Variants in UBAP1L observed in about 807,000 individuals in gnomAD.
The protein encoded by UBAP1L is ubiquitin-associated protein 1-like.
A neutral mutation model predicts 32.1 loss-of-function variants in UBAP1L; 32 were observed. The ratio of observed to expected loss-of-function variants is 1.00; its 90% CI spans 0.75 to 1.34. UBAP1L has a LOEUF of 1.34. Ranked by LOEUF, UBAP1L falls within the 40% of genes most tolerant of loss-of-function variation. UBAP1L has a pLI of 0.00. For synonymous variants in UBAP1L, 243 were observed against 250.2 expected, an observed-to-expected ratio of 0.97 and a Z score of 0.27; for missense variants, 516 against 540.5, an observed-to-expected ratio of 0.95 and a Z score of 0.45.
Position 65,102,058 on chromosome 15 carries a change from G to T in UBAP1L, c.699+48C>A, listed in dbSNP as rs1428484416. 2.3e-6 allele frequency: 2 copies of T among 887,346 alleles called. No homozygotes were observed. The highest frequency in any genetic ancestry group is 2.9e-6 in the Non-Finnish European group (2 of 681,052). The allele number at this position is 887,346 out of a possible 1,614,324, so 55.0% of individuals were successfully genotyped here. A position where few individuals can be genotyped will look rare whatever the true frequency, so the allele number is the denominator to read the frequency against. On this transcript the variant is annotated intron_variant, in intron 3 of 5. Transcript: ENST00000559089. The surrounding 1 kb of genome is among the most constrained non-coding windows in gnomAD (Gnocchi z 5.0). ...CTGGGCTGGACACCCAGATTATGGG[G>T]CCTGGGCTGCTGATTGGCGGCCTTG...
intron 2 of UBAP1L, 69 bp downstream of exon 2, chr15:65,106,027 G>C: frequency 2.6e-6 from 4 of 1,532,950 alleles, no homozygotes; most frequent in Non-Finnish European, 3.5e-6. Context: ...TAAATTCAAG[G>C]AACAAGGCCC....
rs904603890 is a variant in UBAP1L at position 65,094,239 on chromosome 15, C to T, written c.1011+236G>A. Among the ~76,000 whole-genome samples the T allele has an allele frequency of 3.3e-5, 5 of 152,162 alleles. No individual in the cohort carries two copies. The highest frequency in any genetic ancestry group is 1.2e-4 in the African/African-American group (5 of 41,424). Reference sequence around the variant, plus strand: ...AAGCAAAACCCCTGCTGCTCTCTGCCTCCTGTCCCCGTCCCACCTCTTCCT... The same window carrying T: ...AAGCAAAACCCCTGCTGCTCTCTGCTTCCTGTCCCCGTCCCACCTCTTCCT... On this transcript the variant is annotated intron_variant, in intron 5 of 5. Transcript: ENST00000559089. The surrounding 1 kb of genome is among the most constrained non-coding windows in gnomAD (Gnocchi z 4.2).
chr15:65,106,486 A>G (rs904391129), intron 1 of UBAP1L, 98 bp from the exon 2 acceptor site: 8 of 325,254 alleles, frequency 2.5e-5, no homozygotes, highest in Non-Finnish European at 4.4e-5. Flanking sequence ...CTGTTTTCCA[A>G]AACATGGTCC....
rs966234556 is a variant in UBAP1L, at chr15:65,094,554, C to T, written c.932G>A (p.Cys311Tyr). ...ATATCCCTGACGTAACAGGCGGTCA[C>T]AGGCACTGAGGTAGCTGAGAAACTG... ...LSQFLSYLSA[C>Y]DRLLRQGYEE... Residue 311 changes from cysteine (C) to tyrosine (Y), a missense_variant, in exon 5 of 6, where the codon TGT (cysteine) becomes TAT (tyrosine). Transcript: ENST00000559089. This position sits in a 1 kb window ranked among gnomAD's most constrained non-coding sequence, Gnocchi z 4.2. 1.9e-6 allele frequency: 3 copies of T among 1,551,534 alleles called. No homozygotes were observed. The highest frequency in any genetic ancestry group is 2.0e-5 in the Admixed American group (1 of 51,008).
At chr15:65,109,453 A>G (rs1316536607) in intron 1 of UBAP1L, among the ~76,000 whole-genome samples, 2 of 132,090 alleles carry the variant, frequency 1.5e-5, no homozygotes, top group African/African-American at 5.4e-5. Flanking sequence ...ACTGCACTCC[A>G]GCCTGGGTGA....
rs767623626 is a variant in UBAP1L at position 65,102,404 on chromosome 15, G to A, written c.401C>T (p.Ala134Val). 2.1e-6 allele frequency: 3 copies of A among 1,429,370 alleles called. No homozygotes were observed. The highest frequency in any genetic ancestry group is 2.7e-6 in the Non-Finnish European group (3 of 1,097,662). The allele number at this position is 1,429,370 out of a possible 1,614,324, so 88.5% of individuals were successfully genotyped here. ...CAGGCGACGGCCGGGGCCGGGGCTC[G>A]CCGGGGAGCCCGGTTGGAGGCTGCT... ...APSSLQPGSP[A>V]SPGPGRRLCS... The change falls in exon 3 of 6, where the codon GCG (alanine) becomes GTG (valine). Residue 134 changes from alanine to valine, a missense_variant. Ala to Val is a moderately conservative substitution (Grantham distance 64). Coordinates refer to ENST00000559089, the MANE Select transcript of UBAP1L (RefSeq NM_001163692.2). This position sits in a 1 kb window ranked among gnomAD's most constrained non-coding sequence, Gnocchi z 5.0.
chr15:65,108,309 C>T (rs1440790858), intron 1 of UBAP1L, among the ~76,000 whole-genome samples: 1 of 151,470 alleles, frequency 6.6e-6, no homozygotes, highest in East Asian at 1.9e-4. Flanking sequence ...ACAATATTGA[C>T]CTCTACCTCA....
At chr15:65,098,857 T>A (rs2087206903) in intron 4 of UBAP1L, 1 of 151,974 alleles carries the variant, frequency 6.6e-6, no homozygotes, top group South Asian at 2.1e-4. Flanking sequence ...AGTTTCGGGG[T>A]AGTTTGTTAC....
In UBAP1L at chr15:65,094,410, C is replaced by T; in HGVS notation, c.1011+65G>A. The T allele has an allele frequency of 8.9e-6, 11 of 1,236,228 alleles. No individual in the cohort carries two copies. Among genetic ancestry groups the T allele is most frequent in the Non-Finnish European group, 1.2e-5 (11 of 886,496 alleles). 76.6% of individuals were successfully genotyped at this position (1,236,228 alleles called of 1,614,324 possible). On this transcript the variant is annotated intron_variant, in intron 5 of 5. Coordinates refer to ENST00000559089, the MANE Select transcript of UBAP1L (RefSeq NM_001163692.2). This position sits in a 1 kb window ranked among gnomAD's most constrained non-coding sequence, Gnocchi z 4.2. ...CTGAGGACTGGTGTGGCCCTGCACACCGGGCTCCTGGGTACACCCCCATCC... is the reference window on the plus strand; with the variant it reads ...CTGAGGACTGGTGTGGCCCTGCACATCGGGCTCCTGGGTACACCCCCATCC...
intron 1 of UBAP1L, among the ~76,000 whole-genome samples, chr15:65,111,401 C>T (rs550292634): frequency 3.3e-5 from 5 of 152,350 alleles, no homozygotes; most frequent in East Asian, 1.9e-4. Context: ...CTCCATCTTC[C>T]GCCCAGCATC....
chr15:65,104,909 T>C, intron 2 of UBAP1L: 1 of 411,394 alleles, frequency 2.4e-6, no homozygotes, highest in Non-Finnish European at 4.8e-6. Context: ...CGGGAGACCA[T>C]GGCACGAGAA....
In UBAP1L at chr15:65,102,108, C is replaced by T. The variant is rs1337046297; in HGVS notation, c.697G>A (p.Ala233Thr). The change falls in exon 3 of 6, where the codon GCG becomes ACG. Residue 233 changes from alanine (A) to threonine (T), a missense_variant and splice_region_variant. Ala to Thr is a moderately conservative substitution (Grantham distance 58, BLOSUM62 0). Transcript: ENST00000559089. This position sits in a 1 kb window ranked among gnomAD's most constrained non-coding sequence, Gnocchi z 5.0. ...GGAGGGGCGGGCAGAATCCTTACCG[C>T]GACCGTAGGCTTGTGGCTCCGCAGC... ...PPLRSHKPTV[A>T]SLSPYTCLPP... 5 of 1,199,962 alleles carry T rather than the reference C, an allele frequency of 4.2e-6. No homozygotes were observed. The Admixed American group carries it at 1.8e-4, about 42-fold the overall frequency. The allele number at this position is 1,199,962 out of a possible 1,614,324, so 74.3% of individuals were successfully genotyped here.
intron 1 of UBAP1L, among the ~76,000 whole-genome samples, chr15:65,106,919 G>A (rs1467667754): frequency 1.3e-5 from 2 of 152,102 alleles, no homozygotes; most frequent in African/African-American, 4.8e-5. Flanking sequence ...GGGATTACAG[G>A]CGTGAGCCAC....
At chr15:65,104,241 G>A (rs2087277777) in intron 2 of UBAP1L, among the ~76,000 whole-genome samples, 2 of 151,492 alleles carry the variant, frequency 1.3e-5, no homozygotes, top group South Asian at 2.1e-4. Context: ...GCGACAAAGC[G>A]AGACTCTGTC....
chr15:65,109,500 A>C (rs984881838), intron 1 of UBAP1L, among the ~76,000 whole-genome samples: 1 of 151,162 alleles, frequency 6.6e-6, no homozygotes, highest in African/African-American at 2.4e-5. Flanking sequence ...AAAAAAAAAA[A>C]AAAAACTTCC....
chr15:65,098,157 C>G (rs2087198748), intron 4 of UBAP1L: 1 of 152,186 alleles, frequency 6.6e-6, no homozygotes, highest in Non-Finnish European at 1.5e-5. Context: ...GGTCATTTAT[C>G]AAATTCTCAG....
chr15:65,097,477 T>C (rs2087188914), intron 4 of UBAP1L: 1 of 152,232 alleles, frequency 6.6e-6, no homozygotes, highest in South Asian at 2.1e-4. Flanking sequence ...ATAAAAGACA[T>C]CGTGCGACCA....
In UBAP1L at chr15:65,102,696, A is replaced by C; in HGVS notation, c.121-12T>G. 3 of 1,543,918 alleles carry C rather than the reference A, an allele frequency of 1.9e-6. No individual in the cohort carries two copies. Among genetic ancestry groups the C allele is most frequent in the Non-Finnish European group, 2.6e-6 (3 of 1,146,344 alleles). On this transcript the variant is annotated splice_polypyrimidine_tract_variant and intron_variant, in intron 2 of 5. Coordinates refer to ENST00000559089, the MANE Select transcript of UBAP1L (RefSeq NM_001163692.2). The surrounding 1 kb of genome is among the most constrained non-coding windows in gnomAD (Gnocchi z 5.0). ...AGGCTGAAGTCGTGCTGCGGAAAGA[A>C]GGCGACGTAAAGCCCAGGGCAAACC... is the stretch of plus-strand genomic sequence containing the variant.
At chr15:65,096,022 G>A (rs907213193) in intron 4 of UBAP1L, 1 of 152,138 alleles carries the variant, frequency 6.6e-6, no homozygotes, top group African/African-American at 2.4e-5. Flanking sequence ...CCAGGACTAG[G>A]TCCCCGATTA....
Sources: gnomAD v4.1 joint callset for allele counts (sites outside exome capture counted in the v4.1 genomes callset) on GRCh38, gnomAD v4.1.1 for gene constraint, Gnocchi (gnomAD v3.1) non-coding constraint, MANE v1.5 for transcripts, NCBI Gene and HGNC (gene_info 2026-07-23, HGNC 2026-07-21) for gene names.